SHISA9: variants seen among roughly 807,000 people sequenced by gnomAD.
SHISA9 encodes protein shisa-9.
A neutral mutation model predicts 38.0 loss-of-function variants in SHISA9; 13 were observed. That is an observed-to-expected ratio of 0.34 (90% confidence interval 0.22 to 0.54). The LOEUF (loss-of-function observed/expected upper bound fraction) is 0.54. Ranked by LOEUF, SHISA9 falls within the 20% of genes least tolerant of loss-of-function variation. The probability of loss-of-function intolerance (pLI) is 0.91; values close to 1 mark genes in which losing one functional copy is unlikely to be tolerated. For missense variants in SHISA9, 538 were observed against 575.8 expected, an observed-to-expected ratio of 0.93 and a Z score of 0.67; for synonymous variants, 275 against 242.0, an observed-to-expected ratio of 1.14 and a Z score of -1.27.
the SHISA9 span, among the ~76,000 whole-genome samples, chr16:13,408,724 C>T: frequency 6.6e-6 from 1 of 152,142 alleles, no homozygotes; most frequent in Non-Finnish European, 1.5e-5. Context: ...CATTTCAAAC[C>T]TGTTTTCTCC....
At chr16:13,058,076 T>C (rs2073330956) in intron 2 of SHISA9, among the ~76,000 whole-genome samples, 1 of 152,188 alleles carries the variant, frequency 6.6e-6, no homozygotes, top group Non-Finnish European at 1.5e-5. Flanking sequence ...TGGAGAGCAG[T>C]TTCCACATAC....
chr16:13,038,946 G>C (rs2073103905), intron 2 of SHISA9, among the ~76,000 whole-genome samples: 1 of 152,162 alleles, frequency 6.6e-6, no homozygotes, highest in South Asian at 2.1e-4. Flanking sequence ...GTCTCACTCT[G>C]TTTTCAGACT....
chr16:12,940,215 G>A (rs2071591365), intron 2 of SHISA9, among the ~76,000 whole-genome samples: 1 of 152,104 alleles, frequency 6.6e-6, no homozygotes, highest in Admixed American at 6.5e-5. Flanking sequence ...TGGGCTTGGG[G>A]GCCCATCTTG....
chr16:13,308,647 A>G, the SHISA9 span, among the ~76,000 whole-genome samples: 2 of 152,124 alleles, frequency 1.3e-5, no homozygotes, highest in Non-Finnish European at 2.9e-5. Context: ...ATGGGGGACA[A>G]GGTGTGTGTG....
chr16:13,201,203 A>T lies in SHISA9; in HGVS notation c.692-2191A>T, dbSNP rs1212168038. Reference sequence around the variant, plus strand: ...GGAACACAGCCACACCCATTTATGTAGTTGTCCCACGGTATCCATGGGGAT... The same window carrying T: ...GGAACACAGCCACACCCATTTATGTTGTTGTCCCACGGTATCCATGGGGAT... On this transcript the variant is annotated intron_variant, in intron 2 of 4. Coordinates refer to ENST00000558583, the MANE Select transcript of SHISA9 (RefSeq NM_001145204.3). Among the ~76,000 whole-genome samples, 3 of 135,078 alleles carry T rather than the reference A, an allele frequency of 2.2e-5. No individual in the cohort carries two copies. In the East Asian group the frequency reaches 5.9e-4, roughly 27 times the overall value. The allele number at this position is 135,078 out of a possible 152,430, so 88.6% of individuals were successfully genotyped here.
At chr16:13,200,249 A>T (rs73507127) in intron 2 of SHISA9, among the ~76,000 whole-genome samples, 2,368 of 152,200 alleles carry the variant, frequency 0.016, 59 homozygotes, top group African/African-American at 0.054. Context: ...ATATGCTTGC[A>T]TTTAAGTCCT....
the SHISA9 span, among the ~76,000 whole-genome samples, chr16:13,479,885 T>G: frequency 6.6e-6 from 1 of 152,196 alleles, no homozygotes; most frequent in African/African-American, 2.4e-5. Context: ...CTGGTTCCAT[T>G]TCCTATGTTC....
At chr16:13,551,880 A>G in the SHISA9 span, among the ~76,000 whole-genome samples, 1 of 152,146 alleles carries the variant, frequency 6.6e-6, no homozygotes, top group Non-Finnish European at 1.5e-5. Context: ...CGCAAAAACT[A>G]GCCAGGCAAG....
chr16:13,438,599 A>G, the SHISA9 span, among the ~76,000 whole-genome samples: 2 of 152,200 alleles, frequency 1.3e-5, no homozygotes, highest in African/African-American at 2.4e-5. Context: ...TAGACATATC[A>G]TTGTTATTCG....
At chr16:13,012,797 C>T (rs965941171) in intron 2 of SHISA9, among the ~76,000 whole-genome samples, 1 of 152,120 alleles carries the variant, frequency 6.6e-6, no homozygotes, top group Non-Finnish European at 1.5e-5. Context: ...TGCCACAGCC[C>T]CTCCTCCCTG....
At chr16:13,287,597 A>G in the SHISA9 span, among the ~76,000 whole-genome samples, 2 of 152,160 alleles carry the variant, frequency 1.3e-5, no homozygotes, top group African/African-American at 4.8e-5. Flanking sequence ...TGATGGGGAG[A>G]AAGCAAGGAA....
intron 4 of SHISA9, among the ~76,000 whole-genome samples, chr16:13,229,831 C>T (rs1403659754): frequency 6.6e-6 from 1 of 152,162 alleles, no homozygotes; most frequent in African/African-American, 2.4e-5. Context: ...GAGGCAATAT[C>T]TCAGCTAAGT....
chr16:12,954,277 T>C lies in SHISA9; in HGVS notation c.691+37462T>C, dbSNP rs539355691. Among the ~76,000 whole-genome samples the C allele has an allele frequency of 5.3e-5, 8 of 152,232 alleles. No individual in the cohort carries two copies. The East Asian group carries it at 1.5e-3, about 29-fold the overall frequency. On this transcript the variant is annotated intron_variant, in intron 2 of 4. Coordinates refer to ENST00000558583, the MANE Select transcript of SHISA9 (RefSeq NM_001145204.3). ...GTGTCTAAACATGGCATAGGGAGCA[T>C]GTGGGCAAATAACAACTTATGAAAC...
At chr16:13,136,555 C>T (rs1284711236) in intron 2 of SHISA9, among the ~76,000 whole-genome samples, 1 of 151,894 alleles carries the variant, frequency 6.6e-6, no homozygotes, top group African/African-American at 2.4e-5. Context: ...CCCATCACCA[C>T]TCCCGGCTGA....
intron 2 of SHISA9, among the ~76,000 whole-genome samples, chr16:13,029,938 A>G (rs2141876010): frequency 6.6e-6 from 1 of 152,302 alleles, no homozygotes; most frequent in African/African-American, 2.4e-5. Context: ...CAATTTATTC[A>G]AGCTCTCTAA....
At chr16:13,071,209 A>C (rs1176528921) in intron 2 of SHISA9, among the ~76,000 whole-genome samples, 2 of 152,212 alleles carry the variant, frequency 1.3e-5, no homozygotes, top group Non-Finnish European at 2.9e-5. Context: ...CAATTTAAAA[A>C]AAAGGAGTGA....
chr16:13,032,209 G>A (rs2073000046), intron 2 of SHISA9, among the ~76,000 whole-genome samples: 1 of 152,014 alleles, frequency 6.6e-6, no homozygotes, highest in Admixed American at 6.6e-5. Flanking sequence ...GGTATGTGAT[G>A]TTTCCCTCAC....
At chr16:13,444,909 C>A in the SHISA9 span, among the ~76,000 whole-genome samples, 1 of 149,510 alleles carries the variant, frequency 6.7e-6, no homozygotes, top group Non-Finnish European at 1.5e-5. Context: ...CCTCTGCCCC[C>A]CTGGGCTCAA....
At chr16:13,355,621 G>A in the SHISA9 span, among the ~76,000 whole-genome samples, 1 of 152,122 alleles carries the variant, frequency 6.6e-6, no homozygotes, top group Non-Finnish European at 1.5e-5. Flanking sequence ...GAGTTGGGGA[G>A]TTTTAAGAGG....
Sources: gnomAD v4.1 joint callset for allele counts (sites outside exome capture counted in the v4.1 genomes callset) on GRCh38, gnomAD v4.1.1 for gene constraint, MANE v1.5 for transcripts, NCBI Gene and HGNC (gene_info 2026-07-23, HGNC 2026-07-21) for gene names.